ZBBX: variants seen among roughly 807,000 people sequenced by gnomAD.
The protein encoded by ZBBX is zinc finger B-box domain containing.
ZBBX carries 101 observed loss-of-function variants against 108.5 expected under a neutral mutation model. The observed-to-expected ratio is 0.93, with a 90% CI of 0.79 to 1.10. ZBBX has a LOEUF of 1.10. Among genes scored for constraint, ZBBX ranks in the 50% least tolerant of loss-of-function variants. The pLI, the probability that ZBBX is intolerant of heterozygous loss-of-function variation, is 0.00. For synonymous variants in ZBBX, 356 were observed against 323.4 expected (o/e 1.10, Z -1.08); for missense variants, 1,009 against 941.4 (o/e 1.07, Z -0.94).
At chr3:167,311,266 T>C (rs2108263999) in intron 16 of ZBBX, among the ~76,000 whole-genome samples, 2 of 152,136 alleles carry the variant, frequency 1.3e-5, no homozygotes, top group East Asian at 3.9e-4. Flanking sequence ...TGAAACAATA[T>C]ATATAGACAC....
At chr3:167,306,582 T>C (rs1733686276) in intron 16 of ZBBX, among the ~76,000 whole-genome samples, 1 of 152,214 alleles carries the variant, frequency 6.6e-6, no homozygotes, top group African/African-American at 2.4e-5. Flanking sequence ...TCTTTAAAAT[T>C]GTCAGTGTAT....
rs572783314 is a variant in ZBBX at position 167,396,992 on chromosome 3, C to T, written c.-446+10734G>A. Among the ~76,000 whole-genome samples the T allele has an allele frequency of 2.0e-5, 3 of 151,678 alleles. No individual in the cohort carries two copies. The South Asian group carries it at 6.3e-4, about 32-fold the overall frequency. ...AAAGACCAGGGAGTAATGCCCAATG[C>T]TCTTGTCTGACATGGAAAGGATGGC... On this transcript the variant is annotated intron_variant, in intron 1 of 21. Transcript: ENST00000455345.
chr3:167,278,838 G>A (rs1265200419), intron 20 of ZBBX, among the ~76,000 whole-genome samples: 2 of 151,360 alleles, frequency 1.3e-5, no homozygotes, highest in African/African-American at 4.9e-5. Flanking sequence ...GAACATTGAT[G>A]CAAAAATCCT....
intron 20 of ZBBX, among the ~76,000 whole-genome samples, chr3:167,247,662 C>T (rs932695748): frequency 3.9e-5 from 6 of 152,144 alleles, no homozygotes; most frequent in East Asian, 1.9e-4. Context: ...TAGACACTGT[C>T]GTTAAGTGTC....
chr3:167,185,280 T>G, the ZBBX span, among the ~76,000 whole-genome samples: 25 of 152,176 alleles, frequency 1.6e-4, no homozygotes, highest in Admixed American at 9.2e-4. Flanking sequence ...CAAGAAGCTA[T>G]GTATATAATT....
intron 9 of ZBBX, among the ~76,000 whole-genome samples, chr3:167,339,574 T>C (rs1740175257): frequency 6.6e-6 from 1 of 152,154 alleles, no homozygotes; most frequent in Admixed American, 6.6e-5. Context: ...CACCATAGGA[T>C]TTGAGTGGCC....
At chr3:167,406,429 A>C (rs958027375) in intron 1 of ZBBX, among the ~76,000 whole-genome samples, 5 of 152,266 alleles carry the variant, frequency 3.3e-5, no homozygotes, top group African/African-American at 1.2e-4. Flanking sequence ...CAGTCTTGTA[A>C]GATATTTCCA....
chr3:167,204,828 G>A, the ZBBX span, among the ~76,000 whole-genome samples: 1 of 151,940 alleles, frequency 6.6e-6, no homozygotes, highest in Non-Finnish European at 1.5e-5. Context: ...TTCAGGGAGA[G>A]AATGTCTTTG....
At chr3:167,231,197 T>C in the ZBBX span, among the ~76,000 whole-genome samples, 5 of 151,880 alleles carry the variant, frequency 3.3e-5, no homozygotes, top group Admixed American at 3.3e-4. Context: ...TAAGGTGAAA[T>C]TATACATTAG....
intron 20 of ZBBX, among the ~76,000 whole-genome samples, chr3:167,255,949 C>T (rs937283104): frequency 3.3e-5 from 5 of 152,104 alleles, no homozygotes. Context: ...ACTCCACCCA[C>T]ACTCCCCACT....
intron 14 of ZBBX, among the ~76,000 whole-genome samples, chr3:167,316,438 G>A (rs1735469182): frequency 6.6e-6 from 1 of 152,066 alleles, no homozygotes; most frequent in Non-Finnish European, 1.5e-5. Context: ...GAAATGCACT[G>A]AGTGTATCAC....
chr3:167,316,077 T>C (rs1170604338), intron 14 of ZBBX, among the ~76,000 whole-genome samples: 1 of 152,138 alleles, frequency 6.6e-6, no homozygotes, highest in Non-Finnish European at 1.5e-5. Flanking sequence ...TATTTAAGTA[T>C]GTAGCTACTA....
chr3:167,390,501 TG>T (rs1206228202), intron 1 of ZBBX, among the ~76,000 whole-genome samples: 7 of 151,714 alleles, frequency 4.6e-5, no homozygotes, highest in African/African-American at 1.7e-4. Context: ...TTAAAGTAGT[TG>T]TTTTTTTTTT....
intron 20 of ZBBX, among the ~76,000 whole-genome samples, chr3:167,262,598 C>T (rs1724745804): frequency 6.6e-6 from 1 of 152,194 alleles, no homozygotes; most frequent in African/African-American, 2.4e-5. Context: ...TTTCAGCTCA[C>T]TGCAACCTCT....
At chr3:167,327,742 C>T (rs1196778585) in intron 11 of ZBBX, among the ~76,000 whole-genome samples, 200 bp downstream of exon 11, 3 of 151,728 alleles carry the variant, frequency 2.0e-5, no homozygotes, top group South Asian at 2.1e-4. Context: ...GGCAAAACCC[C>T]GTCTCTACTA....
rs576700760 is a variant in ZBBX, at chr3:167,273,727, C to A, written c.2254+8511G>T. Among the ~76,000 whole-genome samples, 97 of 152,242 alleles carry A rather than the reference C, an allele frequency of 6.4e-4. 1 individual carries two copies. In the South Asian group the frequency reaches 0.019, roughly 30 times the overall value. On this transcript the variant is annotated intron_variant, in intron 20 of 21. Coordinates refer to ENST00000675490, the MANE Select transcript of ZBBX (RefSeq NM_001199201.2). The stretch of plus-strand genomic sequence containing the variant: ...CTCTTGTCCAATTGGCTATCCCTTT[C>A]ACCCTGGCAGTTCATCAACCAGAAA...
intron 9 of ZBBX, among the ~76,000 whole-genome samples, chr3:167,346,555 A>C (rs1741486979): frequency 6.6e-6 from 1 of 151,932 alleles, no homozygotes; most frequent in African/African-American, 2.4e-5. Context: ...AGGTTAAAGA[A>C]TATAAAGTGT....
intron 20 of ZBBX, among the ~76,000 whole-genome samples, chr3:167,243,934 G>A (rs533004366): frequency 1.2e-4 from 18 of 151,856 alleles, no homozygotes; most frequent in South Asian, 4.2e-4. Flanking sequence ...GCATGGGTAC[G>A]TTCAATAAGC....
intron 11 of ZBBX, among the ~76,000 whole-genome samples, chr3:167,325,235 C>T (rs541033484): frequency 1.1e-4 from 17 of 152,028 alleles, no homozygotes; most frequent in Admixed American, 3.3e-4. Context: ...AAGACATACC[C>T]GAGACTGGGT....
Sources: allele counts gnomAD v4.1 joint callset (sites outside exome capture counted in the v4.1 genomes callset), GRCh38; gene constraint gnomAD v4.1.1; transcripts MANE v1.5; gene names NCBI Gene and HGNC (gene_info 2026-07-23, HGNC 2026-07-21).